CRADD: variants seen among roughly 807,000 people sequenced by gnomAD.
CRADD encodes the protein death domain-containing protein CRADD.
Under a neutral mutation model 15.5 loss-of-function variants are expected in CRADD, and 9 were observed. That is an observed-to-expected ratio of 0.58 (90% CI 0.35 to 1.01). The LOEUF is 1.01. CRADD is among the 50% of genes least tolerant of loss of function. The probability of loss-of-function intolerance (pLI) is 0.02; values close to 1 mark genes in which losing one functional copy is unlikely to be tolerated. For synonymous variants in CRADD, 118 were observed against 107.6 expected (o/e 1.10, Z -0.60); for missense variants, 227 against 250.3 (o/e 0.91, Z 0.63).
chr12:93,723,215 A>G (rs1956295610), intron 2 of CRADD, among the ~76,000 whole-genome samples: 1 of 152,242 alleles, frequency 6.6e-6, no homozygotes, highest in Non-Finnish European at 1.5e-5. Flanking sequence ...GGATTAGACC[A>G]TCTTTGTAAA....
At chr12:93,805,682 A>G (rs1169404221) in intron 2 of CRADD, among the ~76,000 whole-genome samples, 5 of 152,176 alleles carry the variant, frequency 3.3e-5, no homozygotes, top group African/African-American at 9.6e-5. Context: ...TGTATTAGCA[A>G]GACTGCTGGA....
intron 2 of CRADD, among the ~76,000 whole-genome samples, chr12:93,722,526 G>A (rs1368610876): frequency 6.6e-6 from 1 of 151,712 alleles, no homozygotes; most frequent in African/African-American, 2.4e-5. Flanking sequence ...CTGTTTTTCA[G>A]TCTTTCTTCT....
At chr12:93,856,829 C>T (rs898809375) in intron 2 of CRADD, among the ~76,000 whole-genome samples, 2 of 152,128 alleles carry the variant, frequency 1.3e-5, no homozygotes, top group South Asian at 2.1e-4. Flanking sequence ...TTATGACATC[C>T]CTATCCCTTT....
chr12:93,700,053 G>A (rs930842596), intron 2 of CRADD, among the ~76,000 whole-genome samples: 2 of 152,196 alleles, frequency 1.3e-5, no homozygotes, highest in Non-Finnish European at 2.9e-5. Context: ...AGAGTCATTG[G>A]TTCCAGGGGA....
intron 2 of CRADD, among the ~76,000 whole-genome samples, chr12:93,881,142 T>G (rs1958496826): frequency 6.6e-6 from 1 of 152,250 alleles, no homozygotes; most frequent in African/African-American, 2.4e-5. Flanking sequence ...CTCTGATATC[T>G]CTGTGACAAC....
chr12:93,792,478 A>G (rs146947340), intron 2 of CRADD, among the ~76,000 whole-genome samples: 4 of 152,292 alleles, frequency 2.6e-5, no homozygotes, highest in East Asian at 3.9e-4. Flanking sequence ...GGGTTTTCCT[A>G]TAAAGCTAGC....
intron 2 of CRADD, among the ~76,000 whole-genome samples, chr12:93,773,954 C>T (rs1284879951): frequency 6.6e-6 from 1 of 151,302 alleles, no homozygotes. Context: ...CTTCCTCAGC[C>T]TCCCAAGTAG....
intron 2 of CRADD, among the ~76,000 whole-genome samples, chr12:93,680,217 A>G (rs752550494): frequency 6.6e-6 from 1 of 152,204 alleles, no homozygotes; most frequent in Non-Finnish European, 1.5e-5. Context: ...AAAGTAATTG[A>G]AAGTTGGCTT....
chr12:93,708,718 A>G (rs985170343), intron 2 of CRADD: 2 of 152,232 alleles, frequency 1.3e-5, no homozygotes, highest in African/African-American at 4.8e-5. Context: ...AGTGCCTGGC[A>G]TCATTGGTGC....
At chr12:93,778,855 A>G (rs78852303) in intron 2 of CRADD, among the ~76,000 whole-genome samples, 8,440 of 152,030 alleles carry the variant, frequency 0.056, 568 homozygotes, top group Admixed American at 0.14. Context: ...TTCACAGGAG[A>G]ACTCAACAAT....
intron 2 of CRADD, among the ~76,000 whole-genome samples, chr12:93,830,275 A>G (rs750978164): frequency 1.3e-5 from 2 of 152,224 alleles, no homozygotes; most frequent in African/African-American, 4.8e-5. Flanking sequence ...AAGAGATGAC[A>G]TGTGAGCTAA....
chr12:93,841,066 A>C (rs1469271685), intron 2 of CRADD, among the ~76,000 whole-genome samples: 1 of 152,078 alleles, frequency 6.6e-6, no homozygotes. Context: ...AACTTTATCA[A>C]ATTTTTTTCT....
At chr12:93,736,518 C>T (rs1172806850) in intron 2 of CRADD, among the ~76,000 whole-genome samples, 1 of 152,178 alleles carries the variant, frequency 6.6e-6, no homozygotes. Context: ...TAAAATCTAT[C>T]TTCTGTTCCC....
intron 2 of CRADD, among the ~76,000 whole-genome samples, chr12:93,763,987 A>G (rs1956998564): frequency 6.6e-6 from 1 of 152,182 alleles, no homozygotes; most frequent in Non-Finnish European, 1.5e-5. Flanking sequence ...AGAAACAAAG[A>G]GAGGGTATGA....
intron 2 of CRADD, among the ~76,000 whole-genome samples, chr12:93,754,161 G>A (rs1192241686): frequency 1.3e-5 from 2 of 152,250 alleles, no homozygotes; most frequent in Non-Finnish European, 2.9e-5. Context: ...TACACCCATT[G>A]AGGCCATGAC....
At chr12:93,754,238 A>G (rs1400155631) in intron 2 of CRADD, among the ~76,000 whole-genome samples, 2 of 152,258 alleles carry the variant, frequency 1.3e-5, no homozygotes, top group Non-Finnish European at 2.9e-5. Context: ...AGGTTCACAC[A>G]GCAGGAGTCC....
At chr12:93,684,074 A>G (rs1955380566) in intron 2 of CRADD, among the ~76,000 whole-genome samples, 1 of 152,128 alleles carries the variant, frequency 6.6e-6, no homozygotes, top group African/African-American at 2.4e-5. Context: ...CCCGATTTTC[A>G]TATACTTCCT....
At chr12:93,689,853 G>T (rs1001884764) in intron 2 of CRADD, among the ~76,000 whole-genome samples, 1 of 152,186 alleles carries the variant, frequency 6.6e-6, no homozygotes, top group Non-Finnish European at 1.5e-5. Flanking sequence ...CAAGTAGAGC[G>T]TATCTGCAGT....
chr12:93,872,387 G>A (rs1178316610), intron 2 of CRADD, among the ~76,000 whole-genome samples: 1 of 152,134 alleles, frequency 6.6e-6, no homozygotes, highest in Non-Finnish European at 1.5e-5. Context: ...CTCATTTGCT[G>A]TGCAGAAGCT....
Sources: gnomAD v4.1 joint callset for allele counts (sites outside exome capture counted in the v4.1 genomes callset) on GRCh38, gnomAD v4.1.1 for gene constraint, MANE v1.5 for transcripts, NCBI Gene and HGNC (gene_info 2026-07-23, HGNC 2026-07-21) for gene names.